The following PLXDC2 variants were observed in gnomAD, a reference collection of about 807,000 sequenced individuals.
The protein encoded by PLXDC2 is plexin domain containing 2, also known as plexin domain-containing protein 2.
Under a neutral mutation model 68.9 loss-of-function variants are expected in PLXDC2, and 40 were observed. The observed-to-expected ratio is 0.58, with a 90% confidence interval of 0.45 to 0.76. The LOEUF (loss-of-function observed/expected upper bound fraction) is 0.76, where lower values mean the gene tolerates loss of function less well. PLXDC2 is among the 30% of genes least tolerant of loss of function. PLXDC2 has a pLI of 0.00. For missense variants in PLXDC2, 644 were observed against 661.9 expected (o/e 0.97, Z 0.30); for synonymous variants, 243 against 234.2 (o/e 1.04, Z -0.34).
intron 1 of PLXDC2, among the ~76,000 whole-genome samples, chr10:19,952,548 C>A (rs775889636): frequency 5.3e-5 from 8 of 152,186 alleles, no homozygotes; most frequent in Non-Finnish European, 1.0e-4. Flanking sequence ...AGTTGAAATG[C>A]AGGAAATTCC....
At chr10:20,166,149 CA>C (rs751327338) in intron 7 of PLXDC2, among the ~76,000 whole-genome samples, 2 of 152,084 alleles carry the variant, frequency 1.3e-5, no homozygotes, top group African/African-American at 4.8e-5. Context: ...TGTCAACTCT[CA>C]ACTGTAGACA....
At chr10:20,106,693 C>G (rs1232609722) in intron 4 of PLXDC2, among the ~76,000 whole-genome samples, 1 of 152,094 alleles carries the variant, frequency 6.6e-6, no homozygotes, top group East Asian at 1.9e-4. Context: ...TCCTTCACCT[C>G]TCTATTTTTT....
chr10:20,147,896 C>T lies in PLXDC2; in HGVS notation c.777C>T (p.Tyr259=). ...LLMDGRIIFG[Y]KEIPVLVTQI... is the part of the protein sequence containing the mutation. ...TGGATGGACGAATCATCTTTGGATACAAAGAAGTAAGTGATGCGTTGATAA... is the reference window on the plus strand; with the variant it reads ...TGGATGGACGAATCATCTTTGGATATAAAGAAGTAAGTGATGCGTTGATAA... Residue 259 remains tyrosine, a synonymous_variant, in exon 6 of 14, where the codon TAC becomes TAT. Transcript: ENST00000377252. The T allele has an allele frequency of 1.3e-6, 2 of 1,595,398 alleles. No individual in the cohort carries two copies. Among genetic ancestry groups the T allele is most frequent in the South Asian group, 2.2e-5 (2 of 90,610 alleles).
At chr10:20,000,268 G>GTTTTTTTTTTTTTTTT (rs557279192) in intron 1 of PLXDC2, among the ~76,000 whole-genome samples, 1 of 148,844 alleles carries the variant, frequency 6.7e-6, no homozygotes, top group African/African-American at 2.5e-5. Context: ...ATGTACATGA[G>GTTTTTTTTTTTTTTTT]TTTTTTTTTT....
In PLXDC2 at chr10:20,281,810, T is replaced by G. The variant is rs1269605707; in HGVS notation, c.*1991T>G. On this transcript the variant is annotated 3_prime_UTR_variant, in exon 14 of 14. Transcript: ENST00000377252. ...GACATGCCAATATTACTGGTGCAACTGGTATTCTACAAATGCATAAGGAAC... is the reference window on the plus strand; with the variant it reads ...GACATGCCAATATTACTGGTGCAACGGGTATTCTACAAATGCATAAGGAAC... 1 of 152,178 alleles carries G rather than the reference T, an allele frequency of 6.6e-6. No individual in the cohort carries two copies. The highest frequency in any genetic ancestry group is 2.4e-5 in the African/African-American group (1 of 41,458). 9.4% of individuals were successfully genotyped at this position (152,178 alleles called of 1,614,324 possible).
chr10:19,944,817 T>C (rs527792146), intron 1 of PLXDC2, among the ~76,000 whole-genome samples: 8 of 151,986 alleles, frequency 5.3e-5, no homozygotes, highest in Non-Finnish European at 8.8e-5. Flanking sequence ...CCAGGTGTGG[T>C]GGTGGGCACC....
chr10:20,142,366 C>A (rs1244262279), intron 4 of PLXDC2, among the ~76,000 whole-genome samples: 1 of 152,070 alleles, frequency 6.6e-6, no homozygotes, highest in African/African-American at 2.4e-5. Flanking sequence ...TGTGTAATCT[C>A]AATTGTGTAT....
At chr10:20,140,405 A>AAATATCTATCTATCTATCTATC (rs201306989) in intron 4 of PLXDC2, among the ~76,000 whole-genome samples, 1 of 12,534 alleles carries the variant, frequency 8.0e-5, no homozygotes, top group African/African-American at 1.5e-4. Flanking sequence ...TATATATAAA[A>AAATATCTATCTATCTATCTATC]TATCTATCTA....
intron 1 of PLXDC2, among the ~76,000 whole-genome samples, chr10:19,818,371 G>C (rs189716642): frequency 3.9e-4 from 60 of 151,910 alleles, no homozygotes; most frequent in African/African-American, 1.4e-3. Flanking sequence ...TTCCAGGCAA[G>C]GTGAATCTTG....
intron 1 of PLXDC2, among the ~76,000 whole-genome samples, chr10:19,888,816 T>A (rs774990707): frequency 6.6e-6 from 1 of 152,022 alleles, no homozygotes; most frequent in Non-Finnish European, 1.5e-5. Flanking sequence ...CTAAAAAATG[T>A]CATTAAAAAG....
At chr10:19,840,375 A>C (rs1007562160) in intron 1 of PLXDC2, among the ~76,000 whole-genome samples, 2 of 152,154 alleles carry the variant, frequency 1.3e-5, no homozygotes, top group African/African-American at 4.8e-5. Context: ...TTTAGGGGCT[A>C]TCTGGTCCAA....
At chr10:20,102,446 T>G (rs1054711797) in intron 4 of PLXDC2, among the ~76,000 whole-genome samples, 2 of 152,244 alleles carry the variant, frequency 1.3e-5, no homozygotes, top group African/African-American at 2.4e-5. Flanking sequence ...CTACTATCCC[T>G]TAGTCCATAA....
In PLXDC2 at chr10:19,848,676, T is replaced by C. The variant is rs942788384; in HGVS notation, c.112+31485T>C. On this transcript the variant is annotated intron_variant, in intron 1 of 13. Coordinates refer to ENST00000377252, the MANE Select transcript of PLXDC2 (RefSeq NM_032812.9). The stretch of plus-strand genomic sequence containing the variant: ...TCCAAACATCTTCCATGTAGGTTAG[T>C]AGAGAATTTCAAATATTTCCACGAA... Among the ~76,000 whole-genome samples, 4 of 152,190 alleles carry C rather than the reference T, an allele frequency of 2.6e-5. No individual in the cohort carries two copies. In the East Asian group the frequency reaches 7.7e-4, roughly 29 times the overall value.
At chr10:19,864,086 C>T (rs1426121536) in intron 1 of PLXDC2, among the ~76,000 whole-genome samples, 2 of 152,140 alleles carry the variant, frequency 1.3e-5, no homozygotes. Context: ...GTGATCATGG[C>T]TTGCTGTAAC....
intron 13 of PLXDC2, among the ~76,000 whole-genome samples, chr10:20,251,426 CT>C: frequency 6.6e-6 from 1 of 152,014 alleles, no homozygotes; most frequent in Non-Finnish European, 1.5e-5. Context: ...TTTAAAAGAT[CT>C]TGATGAAACT....
In PLXDC2 at chr10:20,173,675, G is replaced by C. The variant is rs188177801; in HGVS notation, c.884-3324G>C. 2.6e-5 allele frequency among the ~76,000 whole-genome samples: 4 copies of C among 152,228 alleles called. No homozygotes were observed. In the East Asian group the frequency reaches 7.7e-4, roughly 29 times the overall value. ...CTAATGGGTGAGTATTGATCTATTG[G>C]AGTTGAATCACCATCGCTAAGACTG... On this transcript the variant is annotated intron_variant, in intron 7 of 13. Transcript: ENST00000377252.
At chr10:19,828,445 G>C (rs1836617284) in intron 1 of PLXDC2, among the ~76,000 whole-genome samples, 1 of 152,190 alleles carries the variant, frequency 6.6e-6, no homozygotes, top group South Asian at 2.1e-4. Context: ...TCCACCTCCA[G>C]CTCAGCACAG....
chr10:19,871,479 A>G (rs1837532811), intron 1 of PLXDC2, among the ~76,000 whole-genome samples: 1 of 152,196 alleles, frequency 6.6e-6, no homozygotes, highest in Non-Finnish European at 1.5e-5. Context: ...CTTTCCAAAT[A>G]TAATCTTATC....
chr10:19,856,411 C>A (rs968954608), intron 1 of PLXDC2, among the ~76,000 whole-genome samples: 4 of 149,678 alleles, frequency 2.7e-5, no homozygotes. Context: ...CACACACACA[C>A]ACTCACACAA....
Sources: gnomAD v4.1 joint callset for allele counts (sites outside exome capture counted in the v4.1 genomes callset) on GRCh38, gnomAD v4.1.1 for gene constraint, MANE v1.5 for transcripts, NCBI Gene and HGNC (gene_info 2026-07-23, HGNC 2026-07-21) for gene names.